Variants in PAK6 observed in about 807,000 individuals in gnomAD.
The protein encoded by PAK6 is serine/threonine-protein kinase PAK 6.
PAK6 carries 33 observed loss-of-function variants against 60.8 expected under a neutral mutation model. The observed-to-expected ratio is 0.54, with a 90% CI of 0.41 to 0.73. The LOEUF (loss-of-function observed/expected upper bound fraction) is 0.73. Among genes scored for constraint, PAK6 ranks in the 30% least tolerant of loss-of-function variants. The pLI is 0.00. For synonymous variants in PAK6, 404 were observed against 378.5 expected (o/e 1.07, Z -0.78); for missense variants, 845 against 904.1 (o/e 0.93, Z 0.84).
At chr15:40,262,210 T>C (rs981227456) in intron 3 of PAK6, among the ~76,000 whole-genome samples, 3 of 152,192 alleles carry the variant, frequency 2.0e-5, no homozygotes, top group Admixed American at 6.5e-5. Flanking sequence ...ATAGACCTGC[T>C]GAATAAAGAC....
At chr15:40,272,277 C>T in exon 6 of PAK6, 1 of 1,613,994 alleles carries the variant, frequency 6.2e-7, no homozygotes, top group Non-Finnish European at 8.5e-7. Flanking sequence ...GCCTGGTGGC[C>T]AAGGCCCAGT....
exon 11 of PAK6, chr15:40,276,294 C>A: frequency 1.7e-6 from 1 of 579,590 alleles, no homozygotes. Context: ...TCCCGAGTCC[C>A]CAGATGGAGA....
chr15:40,252,091 C>A, intron 2 of PAK6: 1 of 326,016 alleles, frequency 3.1e-6, no homozygotes, highest in Non-Finnish European at 5.7e-6. Context: ...CAAGGGGCTA[C>A]CCCAGCACAG....
chr15:40,253,112 G>C, intron 2 of PAK6, 66 bp from the exon 3 acceptor site: 1 of 426,194 alleles, frequency 2.3e-6, no homozygotes, highest in Non-Finnish European at 4.8e-6. Context: ...ACGTCAGCCA[G>C]TCGCAACACC....
chr15:40,266,018 C>T (rs1156879021), exon 5 of PAK6: 2 of 1,601,636 alleles, frequency 1.2e-6, no homozygotes, highest in Non-Finnish European at 1.7e-6. Flanking sequence ...CCGACCCAGA[C>T]ATGTACCTCC....
At chr15:40,265,693 A>C in intron 4 of PAK6, 149 bp from the exon 5 acceptor site, 1 of 647,562 alleles carries the variant, frequency 1.5e-6, no homozygotes, top group Middle Eastern at 3.5e-4. Flanking sequence ...AAATTATGGA[A>C]AAATTAATGG....
intron 3 of PAK6, among the ~76,000 whole-genome samples, chr15:40,256,331 A>G (rs2038833678): frequency 6.6e-6 from 1 of 152,198 alleles, no homozygotes; most frequent in African/African-American, 2.4e-5. Flanking sequence ...TGTTCGCGGT[A>G]ATTCTCAGCC....
chr15:40,254,081 C>T (rs1037509716), intron 3 of PAK6, among the ~76,000 whole-genome samples: 16 of 152,102 alleles, frequency 1.1e-4, no homozygotes, highest in African/African-American at 3.1e-4. Flanking sequence ...GGACAGTGGC[C>T]GAAGACACAT....
chr15:40,266,020 T>G (rs1329227512), exon 5 of PAK6: 3 of 1,602,174 alleles, frequency 1.9e-6, no homozygotes, highest in Admixed American at 3.4e-5. Context: ...GACCCAGACA[T>G]GTACCTCCAG....
intron 4 of PAK6, 77 bp from the exon 5 acceptor site, chr15:40,265,765 C>T (rs2039108974): frequency 7.3e-7 from 1 of 1,361,122 alleles, no homozygotes; most frequent in African/African-American, 1.5e-5. Flanking sequence ...GGGACATTCT[C>T]TGACCCTGAT....
chr15:40,255,215 C>T (rs1195681056), intron 3 of PAK6, among the ~76,000 whole-genome samples: 8 of 152,048 alleles, frequency 5.3e-5, no homozygotes, highest in South Asian at 2.1e-4. Context: ...AGGCCGGGCG[C>T]GGTGGCTCAC....
At chr15:40,274,003 G>T (rs2039381621) in intron 9 of PAK6, 139 bp from the exon 10 acceptor site, 2 of 992,608 alleles carry the variant, frequency 2.0e-6, no homozygotes, top group Non-Finnish European at 3.1e-6. Context: ...CACAGGGCAG[G>T]TGACCAGGGG....
At chr15:40,249,461 G>A (rs1397748767) in intron 2 of PAK6, among the ~76,000 whole-genome samples, 1 of 152,238 alleles carries the variant, frequency 6.6e-6, no homozygotes, top group Non-Finnish European at 1.5e-5. Context: ...GAAGACTAAG[G>A]GAGGTAGCAC....
rs553322783 is a variant in PAK6, at chr15:40,272,138, G to A, written c.859-86G>A. ...CCGCCTGACCCTGCCAGAGTCCAGA[G>A]GTCACGGCGGCCAGCCCCTGCCTCC... is the stretch of plus-strand genomic sequence containing the variant. On this transcript the variant is annotated intron_variant, in intron 5 of 10. Coordinates refer to ENST00000560346, the Ensembl canonical transcript of PAK6. The A allele has an allele frequency of 2.9e-5, 42 of 1,463,622 alleles. No homozygotes were observed. In the East Asian group the frequency reaches 8.9e-4, roughly 31 times the overall value. 90.7% of individuals were successfully genotyped at this position (1,463,622 alleles called of 1,614,324 possible).
chr15:40,241,876 A>G (rs8034964), intron 2 of PAK6, among the ~76,000 whole-genome samples: 44,419 of 152,176 alleles, frequency 0.29, 7,379 homozygotes, highest in African/African-American at 0.43. Context: ...GGAGGAACCC[A>G]TAAGTGTCTC....
At chr15:40,242,271 T>A (rs751554023) in intron 2 of PAK6, among the ~76,000 whole-genome samples, 6 of 152,148 alleles carry the variant, frequency 3.9e-5, no homozygotes, top group Non-Finnish European at 8.8e-5. Context: ...GCTAAGACAC[T>A]GAAAGATTGA....
intron 3 of PAK6, among the ~76,000 whole-genome samples, chr15:40,262,281 A>G (rs961396732): frequency 6.6e-6 from 1 of 152,202 alleles, no homozygotes; most frequent in Non-Finnish European, 1.5e-5. Context: ...AGGCAGGTGG[A>G]TCATTTGAAG....
At chr15:40,274,198 G>C in exon 10 of PAK6, 1 of 1,613,868 alleles carries the variant, frequency 6.2e-7, no homozygotes, top group Non-Finnish European at 8.5e-7. Flanking sequence ...GGGAGCCACC[G>C]TACTTCAGTG....
chr15:40,266,815 A>G, intron 5 of PAK6: 1 of 299,836 alleles, frequency 3.3e-6, no homozygotes, highest in African/African-American at 2.2e-5. Context: ...GGCATGTGTG[A>G]CTGCTTCAGA....
Sources: allele counts gnomAD v4.1 joint callset (sites outside exome capture counted in the v4.1 genomes callset), GRCh38; gene constraint gnomAD v4.1.1; transcripts MANE v1.5; gene names NCBI Gene and HGNC (gene_info 2026-07-23, HGNC 2026-07-21).